Variants in EIF5B observed in about 807,000 individuals in gnomAD.
EIF5B encodes eIF-5B.
EIF5B carries 47 observed loss-of-function variants against 147.5 expected under a neutral mutation model. The ratio of observed to expected loss-of-function variants is 0.32; its 90% CI spans 0.25 to 0.41. EIF5B has a LOEUF of 0.41. Ranked by LOEUF, EIF5B falls within the 10% of genes least tolerant of loss-of-function variation. The pLI, the probability that EIF5B is intolerant of heterozygous loss-of-function variation, is 1.00. For missense variants in EIF5B, 1,064 were observed against 1,413.2 expected (o/e 0.75, Z 3.96); for synonymous variants, 455 against 456.2 (o/e 1.00, Z 0.03).
chr2:99,377,063 G>T (rs1574933754), intron 10 of EIF5B, among the ~76,000 whole-genome samples: 1 of 152,202 alleles, frequency 6.6e-6, no homozygotes, highest in Non-Finnish European at 1.5e-5. Context: ...AGTAAAGTCC[G>T]ATACCTGATA....
chr2:99,391,874 G>A (rs949887590), intron 17 of EIF5B, among the ~76,000 whole-genome samples: 2 of 151,560 alleles, frequency 1.3e-5, no homozygotes, highest in Non-Finnish European at 2.9e-5. Context: ...TGGGACTATA[G>A]GTACGCACCA....
intron 14 of EIF5B, among the ~76,000 whole-genome samples, chr2:99,383,452 A>G (rs1384324311): frequency 6.6e-6 from 1 of 152,164 alleles, no homozygotes; most frequent in Admixed American, 6.5e-5. Context: ...ATGACCTGTA[A>G]GTGTTCAAGT....
At chr2:99,362,840 C>A (rs1185961145) in intron 4 of EIF5B, among the ~76,000 whole-genome samples, 2 of 151,926 alleles carry the variant, frequency 1.3e-5, no homozygotes, top group Non-Finnish European at 2.9e-5. Flanking sequence ...CTCACTGCAA[C>A]CTCCTCTTTA....
chr2:99,354,991 A>G (rs927767060), intron 1 of EIF5B, among the ~76,000 whole-genome samples: 1 of 151,784 alleles, frequency 6.6e-6, no homozygotes, highest in African/African-American at 2.4e-5. Flanking sequence ...TTTAGTAGAG[A>G]CGGAGTTTTA....
chr2:99,364,454 G>T, intron 6 of EIF5B, 33 bp downstream of exon 6: 1 of 1,550,166 alleles, frequency 6.5e-7, no homozygotes, highest in Non-Finnish European at 8.7e-7. Flanking sequence ...TGAATGGTCA[G>T]AGAGCTCTGC....
At chr2:99,364,567 G>T in intron 6 of EIF5B, 146 bp downstream of exon 6, 1 of 706,252 alleles carries the variant, frequency 1.4e-6, no homozygotes. Context: ...GTAAGGAATA[G>T]GTGATGTCAT....
At chr2:99,382,735 A>C in intron 13 of EIF5B, 45 bp from the exon 14 acceptor site, 1 of 1,532,914 alleles carries the variant, frequency 6.5e-7, no homozygotes, top group Non-Finnish European at 8.8e-7. Context: ...AAAAGTATTA[A>C]TTTCAAGATT....
At chr2:99,387,139 A>G (rs1019684583) in intron 14 of EIF5B, among the ~76,000 whole-genome samples, 1 of 152,068 alleles carries the variant, frequency 6.6e-6, no homozygotes. Flanking sequence ...AGCTCCTGAC[A>G]TCAAGTGATC....
chr2:99,350,061 G>A (rs77135566), intron 1 of EIF5B, among the ~76,000 whole-genome samples: 1,671 of 152,158 alleles, frequency 0.011, 9 homozygotes, highest in Middle Eastern at 0.024. Flanking sequence ...TCCATATATG[G>A]CATCTTTCAC....
chr2:99,346,335 A>G (rs1337000656), intron 1 of EIF5B, among the ~76,000 whole-genome samples: 1 of 152,196 alleles, frequency 6.6e-6, no homozygotes, highest in Non-Finnish European at 1.5e-5. Context: ...GGTGTTCACC[A>G]AATTGGTTAT....
chr2:99,390,222 T>C lies in EIF5B; in HGVS notation c.2407T>C (p.Leu803=). 1 of 1,614,060 alleles carries C rather than the reference T, an allele frequency of 6.2e-7. No homozygotes were observed. The highest frequency in any genetic ancestry group is 1.3e-5 in the African/African-American group (1 of 75,038). The change falls in exon 16 of 24, where the codon TTG becomes CTG. Residue 803 remains leucine, a synonymous_variant. Coordinates refer to ENST00000289371, the MANE Select transcript of EIF5B (RefSeq NM_015904.4). ...AIIVEFAQQG[L]NAALFYENKD... ...TTTGGATGATTTTTGCTCCTAGGGT[T>C]TGAATGCTGCTTTGTTTTATGAGAA...
At chr2:99,359,870 T>C (rs1471214378) in intron 1 of EIF5B, among the ~76,000 whole-genome samples, 2 of 152,346 alleles carry the variant, frequency 1.3e-5, no homozygotes, top group East Asian at 1.9e-4. Context: ...GGTGTTGTTA[T>C]TGATCGTCGA....
Position 99,382,143 on chromosome 2 carries a change from TC to T in EIF5B, c.2062-12del. ...CTGACTTTCTTAAACTTTGAACTTT[TC>T]CCCATTGTTTCTAGTTTGATAGAGA... On this transcript the variant is annotated splice_polypyrimidine_tract_variant and intron_variant, in intron 12 of 23. Coordinates refer to ENST00000289371, the MANE Select transcript of EIF5B (RefSeq NM_015904.4). The T allele has an allele frequency of 6.2e-7, 1 of 1,609,668 alleles. No homozygotes were observed. The highest frequency in any genetic ancestry group is 8.5e-7 in the Non-Finnish European group (1 of 1,176,974).
chr2:99,392,885 CATG>C (rs1161619992), intron 17 of EIF5B, 79 bp from the exon 18 acceptor site: 5 of 1,242,016 alleles, frequency 4.0e-6, no homozygotes, highest in Non-Finnish European at 5.2e-6. Flanking sequence ...TCTCTAATAT[CATG>C]ATGAGATTCT....
rs1465079425 is a variant in EIF5B, at chr2:99,396,839, G to A, written c.3334G>A (p.Val1112Met). 6.2e-7 allele frequency: 1 copy of A among 1,613,272 alleles called. No homozygotes were observed. Residue 1112 changes from valine (V) to methionine (M), a missense_variant, in exon 22 of 24, where the codon GTG (valine) becomes ATG (methionine). Coordinates refer to ENST00000289371, the MANE Select transcript of EIF5B (RefSeq NM_015904.4). The part of the protein sequence containing the change: ...FNSRDPIVMG[V>M]TVEAGQVKQG... ...TTCTCGAGATCCGATAGTGATGGGG[G>A]TGACGGTGGAAGCAGGTCAGGTGAA...
intron 1 of EIF5B, chr2:99,338,253 G>GC: frequency 8.4e-7 from 1 of 1,188,908 alleles, no homozygotes; most frequent in South Asian, 1.3e-5. Context: ...AACCGAGGTC[G>GC]CTCCTTTCTA....
At chr2:99,345,672 C>T (rs953617638) in intron 1 of EIF5B, among the ~76,000 whole-genome samples, 4 of 150,462 alleles carry the variant, frequency 2.7e-5, no homozygotes, top group Non-Finnish European at 5.9e-5. Flanking sequence ...GGGCGGGGTG[C>T]GGTGGCTCAT....
chr2:99,379,711 A>G (rs1489134147), intron 12 of EIF5B, among the ~76,000 whole-genome samples: 1 of 152,006 alleles, frequency 6.6e-6, no homozygotes, highest in African/African-American at 2.4e-5. Context: ...CACTGATACC[A>G]TTTATCCCCA....
chr2:99,393,100 T>C lies in EIF5B; in HGVS notation c.2880+2T>C, dbSNP rs750669779. 1 of 1,522,064 alleles carries C rather than the reference T, an allele frequency of 6.6e-7. No individual in the cohort carries two copies. Among genetic ancestry groups the C allele is most frequent in the Non-Finnish European group, 8.8e-7 (1 of 1,134,752 alleles). 94.3% of individuals were successfully genotyped at this position (1,522,064 alleles called of 1,614,324 possible). On this transcript the variant is annotated splice_donor_variant, in intron 18 of 23. Coordinates refer to ENST00000289371, the MANE Select transcript of EIF5B (RefSeq NM_015904.4). LOFTEE classifies it high-confidence loss of function. ...GAAGATGAAATCCCTGTTCTTAAAG[T>C]AAGTTCATTTAAAAATTTTTTTCCT...
Sources: allele counts gnomAD v4.1 joint callset (sites outside exome capture counted in the v4.1 genomes callset), GRCh38; gene constraint gnomAD v4.1.1; transcripts MANE v1.5; gene names NCBI Gene and HGNC (gene_info 2026-07-23, HGNC 2026-07-21).